The following KANSL3 variants were observed in gnomAD, a reference collection of about 807,000 sequenced individuals.
KANSL3 encodes the protein NSL complex protein NSL3.
In KANSL3, 16 loss-of-function variants were observed where a neutral mutation model predicts 89.2. The observed-to-expected ratio is 0.18, with a 90% confidence interval of 0.12 to 0.27. KANSL3 has a LOEUF of 0.27. Among genes scored for constraint, KANSL3 ranks in the 10% least tolerant of loss-of-function variants. KANSL3 has a pLI of 1.00. For missense variants in KANSL3, 879 were observed against 1,110.6 expected, an observed-to-expected ratio of 0.79 and a Z score of 2.96; for synonymous variants, 385 against 419.7, an observed-to-expected ratio of 0.92 and a Z score of 1.01.
intron 3 of KANSL3, among the ~76,000 whole-genome samples, chr2:96,627,498 A>T (rs1434221406): frequency 2.0e-5 from 3 of 152,198 alleles, no homozygotes; most frequent in African/African-American, 7.2e-5. Context: ...TACAGGCGAG[A>T]GCTACTGCGC....
rs751798891 is a variant in KANSL3, at chr2:96,610,896, T to C, written c.1162-13A>G. On this transcript the variant is annotated splice_polypyrimidine_tract_variant and intron_variant, in intron 10 of 20. Coordinates refer to ENST00000431828, the MANE Select transcript of KANSL3 (RefSeq NM_001115016.3). ...GATCATCTACATCCTAAAACAGGTA[T>C]AGGTTTTAGAATCGGCTTCTTCATA... 22 of 1,611,270 alleles carry C rather than the reference T, an allele frequency of 1.4e-5. No individual in the cohort carries two copies. Among genetic ancestry groups the C allele is most frequent in the East Asian group, 2.2e-5 (1 of 44,826 alleles).
chr2:96,623,397 T>C (rs541270224), intron 3 of KANSL3, among the ~76,000 whole-genome samples: 1 of 152,182 alleles, frequency 6.6e-6, no homozygotes, highest in African/African-American at 2.4e-5. Flanking sequence ...TTCCATCATA[T>C]CCCACCCCAC....
chr2:96,634,121 T>A (rs2073904762), intron 2 of KANSL3: 1 of 152,264 alleles, frequency 6.6e-6, no homozygotes, highest in Non-Finnish European at 1.5e-5. Context: ...TATGATTATC[T>A]AAGACAGATG....
At chr2:96,619,818 T>C in intron 3 of KANSL3, 56 bp from the exon 4 acceptor site, 4 of 1,297,230 alleles carry the variant, frequency 3.1e-6, no homozygotes, top group Non-Finnish European at 4.3e-6. Flanking sequence ...TCCCCATGTA[T>C]GTACACCATA....
chr2:96,597,196 A>T (rs1385062084), intron 20 of KANSL3, among the ~76,000 whole-genome samples: 2 of 152,238 alleles, frequency 1.3e-5, no homozygotes, highest in Admixed American at 6.5e-5. Flanking sequence ...AAAGGTTAAC[A>T]ATTCCGTAAT....
At position 96,620,720 on chromosome 2, in the gene KANSL3, T is replaced by C. The variant is rs926837535; in HGVS notation, c.387-958A>G. Among the ~76,000 whole-genome samples, 3 of 152,234 alleles carry C rather than the reference T, an allele frequency of 2.0e-5. No individual in the cohort carries two copies. The South Asian group carries it at 6.2e-4, about 32-fold the overall frequency. ...CCCTGCCTTAAAAAAAAGCTGATGGTGGCCAGGCGCAGTGCTTCACGCCTA... is the reference window on the plus strand; with the variant it reads ...CCCTGCCTTAAAAAAAAGCTGATGGCGGCCAGGCGCAGTGCTTCACGCCTA... On this transcript the variant is annotated intron_variant, in intron 3 of 20. Transcript: ENST00000431828.
intron 2 of KANSL3, 70 bp downstream of exon 2, chr2:96,636,851 A>T: frequency 7.8e-7 from 1 of 1,279,484 alleles, no homozygotes; most frequent in Non-Finnish European, 1.1e-6. Context: ...TCCTGAGAAA[A>T]TCCTCTCTAA....
At chr2:96,603,390 C>A (rs182317639) in intron 17 of KANSL3, 1 of 153,016 alleles carries the variant, frequency 6.5e-6, no homozygotes, top group East Asian at 1.9e-4. Flanking sequence ...TCAAGCGATT[C>A]TCCTGCCTCA....
At position 96,628,457 on chromosome 2, in the gene KANSL3, C is replaced by G. The variant is rs2072793463; in HGVS notation, c.386+2855G>C. ...CTTGAGCCAGGAGTTTGAGACCAGC[C>G]TAGGCAACATGGTGAAACCCAATCT... On this transcript the variant is annotated intron_variant, in intron 3 of 20. Transcript: ENST00000431828. 8 of 199,862 alleles carry G rather than the reference C, an allele frequency of 4.0e-5. No homozygotes were observed. The South Asian group carries it at 7.5e-4, about 19-fold the overall frequency. The allele number at this position is 199,862 out of a possible 1,614,324, so 12.4% of individuals were successfully genotyped here.
intron 20 of KANSL3, among the ~76,000 whole-genome samples, chr2:96,596,410 G>T (rs1460018643): frequency 6.6e-6 from 1 of 152,218 alleles, no homozygotes; most frequent in African/African-American, 2.4e-5. Context: ...AACATTAGGT[G>T]AGCATAGTGC....
intron 3 of KANSL3, among the ~76,000 whole-genome samples, chr2:96,624,417 T>C (rs1199395501): frequency 1.3e-5 from 2 of 152,228 alleles, no homozygotes; most frequent in Non-Finnish European, 2.9e-5. Context: ...TCTACCTTAT[T>C]TGTGGACATT....
rs763456287 is a variant in KANSL3, at chr2:96,608,544, G to A, written c.1705C>T (p.Arg569Trp). 1.4e-5 allele frequency: 23 copies of A among 1,613,890 alleles called. No homozygotes were observed. Among genetic ancestry groups the A allele is most frequent in the South Asian group, 3.3e-5 (3 of 91,078 alleles). Residue 569 changes from arginine (R) to tryptophan (W), a missense_variant, in exon 14 of 21, where the codon CGG becomes TGG. By Grantham distance (101) the Arg-to-Trp change is moderately radical (BLOSUM62 -3). Around this residue, in one of 6 missense-constraint regions of KANSL3, gnomAD observed 317 missense variants for 311.2 expected, o/e 1.02. Coordinates refer to ENST00000431828, the MANE Select transcript of KANSL3 (RefSeq NM_001115016.3). The part of the protein sequence containing the change: ...SSQLLKRHVQ[R>W]TEAVLTHKQA... ...TTGTGGGTCAGCACAGCTTCTGTCCGCTGCACATGTCTCTTCAGCAGCTGA... is the reference window on the plus strand; with the variant it reads ...TTGTGGGTCAGCACAGCTTCTGTCCACTGCACATGTCTCTTCAGCAGCTGA...
At position 96,593,598 on chromosome 2, in the gene KANSL3, C is replaced by T. The variant is rs936520014; in HGVS notation, c.*2013G>A. 1 of 306,586 alleles carries T rather than the reference C, an allele frequency of 3.3e-6. No homozygotes were observed. The highest frequency in any genetic ancestry group is 2.2e-5 in the African/African-American group (1 of 46,204). The allele number at this position is 306,586 out of a possible 1,614,324, so 19.0% of individuals were successfully genotyped here. On this transcript the variant is annotated 3_prime_UTR_variant, in exon 21 of 21. Transcript: ENST00000431828. ...CCCCTTCTTCAGTTGTGGAGTTCTT[C>T]AAGGTGGACAGATCACACCTCAGGA...
At chr2:96,592,042 C>G (rs1445339609), downstream of KANSL3, among the ~76,000 whole-genome samples, 1 of 152,176 alleles carries the variant, frequency 6.6e-6, no homozygotes, top group Non-Finnish European at 1.5e-5. Flanking sequence ...TGCTATGGCC[C>G]TGTCCCCATA....
downstream of KANSL3, among the ~76,000 whole-genome samples, chr2:96,591,398 T>C (rs2104769009): frequency 6.6e-6 from 1 of 152,266 alleles, no homozygotes. Flanking sequence ...GATGGAACCA[T>C]TCTGTATTTT....
chr2:96,632,965 CA>C (rs1051564122), intron 2 of KANSL3, among the ~76,000 whole-genome samples: 417 of 51,608 alleles, frequency 8.1e-3, no homozygotes, highest in African/African-American at 0.017. Context: ...GACTCCATCT[CA>C]AAAAAAAAAA....
chr2:96,622,383 C>T (rs1248925555), intron 3 of KANSL3, among the ~76,000 whole-genome samples: 1 of 148,710 alleles, frequency 6.7e-6, no homozygotes, highest in East Asian at 2.0e-4. Context: ...GATCATGCCA[C>T]GGGGCGACAG....
chr2:96,628,252 A>G lies in KANSL3; in HGVS notation c.386+3060T>C, dbSNP rs1558769442. The G allele has an allele frequency of 8.1e-6, 8 of 984,696 alleles. No individual in the cohort carries two copies. In the South Asian group the frequency reaches 3.8e-4, roughly 46 times the overall value. 61.0% of individuals were successfully genotyped at this position (984,696 alleles called of 1,614,324 possible). ...GTGTAGACTCTCCACTCATCTATTCACTTCTGAAATAAAATGGTTTTCCAG... is the reference window on the plus strand; with the variant it reads ...GTGTAGACTCTCCACTCATCTATTCGCTTCTGAAATAAAATGGTTTTCCAG... On this transcript the variant is annotated intron_variant, in intron 3 of 20. Transcript: ENST00000431828.
Position 96,608,639 on chromosome 2 carries a change from G to A in KANSL3, c.1610C>T (p.Pro537Leu), listed in dbSNP as rs1312430013. The change falls in exon 14 of 21, where the codon CCC becomes CTC. Residue 537 changes from proline (P) to leucine (L), a missense_variant. This residue lies in a region of KANSL3 where 317 missense variants were observed against 311.2 expected (regional missense o/e 1.02). Coordinates refer to ENST00000431828, the MANE Select transcript of KANSL3 (RefSeq NM_001115016.3). ...CACTTTGGTCTTGGGACTGGAGGTG[G>A]GGCTGCTGGACACACTGGAGAGATC... ...SEDLSSVSSS[P>L]TSSPKTKVTT... The A allele has an allele frequency of 2.5e-6, 4 of 1,613,870 alleles. No homozygotes were observed. Among genetic ancestry groups the A allele is most frequent in the African/African-American group, 2.7e-5 (2 of 74,906 alleles).
Sources: gnomAD v4.1 joint callset for allele counts (sites outside exome capture counted in the v4.1 genomes callset) on GRCh38, gnomAD v4.1.1 for gene constraint, gnomAD v4.1.1 regional missense constraint, MANE v1.5 for transcripts, NCBI Gene and HGNC (gene_info 2026-07-23, HGNC 2026-07-21) for gene names.